RAB38: variants seen among roughly 807,000 people sequenced by gnomAD.
RAB38 encodes ras-related protein Rab-38.
In RAB38, 15 loss-of-function variants were observed where a neutral mutation model predicts 18.4. That is an observed-to-expected ratio of 0.82 (90% CI 0.55 to 1.26). The LOEUF is 1.26. Among genes scored for constraint, RAB38 ranks in the 50% most tolerant of loss-of-function variants. The probability of loss-of-function intolerance (pLI) is 0.00; values close to 1 mark genes in which losing one functional copy is unlikely to be tolerated. For synonymous variants in RAB38, 101 were observed against 104.4 expected (o/e 0.97, Z 0.20); for missense variants, 294 against 267.4 (o/e 1.10, Z -0.69).
the RAB38 span, among the ~76,000 whole-genome samples, chr11:87,907,710 G>GT: frequency 2.1e-4 from 32 of 151,172 alleles, no homozygotes; most frequent in Non-Finnish European, 2.4e-4. Context: ...GAATAATCTG[G>GT]TTTTTTTAAA....
At chr11:88,151,766 T>C (rs1943065306) in intron 1 of RAB38, among the ~76,000 whole-genome samples, 1 of 152,202 alleles carries the variant, frequency 6.6e-6, no homozygotes, top group African/African-American at 2.4e-5. Flanking sequence ...TTTACATTGG[T>C]AGTAGCATTG....
the RAB38 span, among the ~76,000 whole-genome samples, chr11:87,969,154 C>A: frequency 1.3e-5 from 2 of 152,058 alleles, no homozygotes; most frequent in African/African-American, 2.4e-5. Context: ...AGTTACATTA[C>A]CTTCAAATTA....
the RAB38 span, among the ~76,000 whole-genome samples, chr11:87,897,258 T>C: frequency 6.6e-6 from 1 of 151,574 alleles, no homozygotes; most frequent in African/African-American, 2.4e-5. Context: ...GTTTACAGAG[T>C]TGGTGCCAAA....
the RAB38 span, among the ~76,000 whole-genome samples, chr11:87,824,917 C>G: frequency 6.6e-6 from 1 of 151,922 alleles, no homozygotes; most frequent in African/African-American, 2.4e-5. Flanking sequence ...TGAAGGACCA[C>G]CAGTAAGGCA....
At chr11:88,155,459 T>C (rs752501910) in intron 1 of RAB38, among the ~76,000 whole-genome samples, 51 of 149,276 alleles carry the variant, frequency 3.4e-4, no homozygotes, top group Non-Finnish European at 7.3e-4. Flanking sequence ...AAAGACCCCA[T>C]GGAGCAGGGC....
the RAB38 span, among the ~76,000 whole-genome samples, chr11:87,976,840 TATTGTGTTATATAATGTATTATATATTA>T: frequency 1.3e-4 from 15 of 116,328 alleles, 3 homozygotes; most frequent in African/African-American, 5.2e-4. Flanking sequence ...TATAAATATA[TATTGTGTTATATAATGTATTATATATTA>T]TATGTTATAT....
At chr11:87,973,892 GCCCTATTTTGAGGGATTTT>G in the RAB38 span, among the ~76,000 whole-genome samples, 1 of 151,838 alleles carries the variant, frequency 6.6e-6, no homozygotes, top group South Asian at 2.1e-4. Context: ...GTCACCCCAT[GCCCTATTTTGAGGGATTTT>G]CCCTATGTCT....
the RAB38 span, among the ~76,000 whole-genome samples, chr11:88,104,430 T>C: frequency 1.3e-5 from 2 of 152,156 alleles, no homozygotes; most frequent in South Asian, 4.1e-4. Flanking sequence ...TAGAGGCAGA[T>C]TGAAATGTGT....
At chr11:87,880,330 T>G in the RAB38 span, among the ~76,000 whole-genome samples, 3 of 151,742 alleles carry the variant, frequency 2.0e-5, no homozygotes, top group African/African-American at 7.3e-5. Context: ...CTTCGAGTCC[T>G]GGCCACAACA....
At chr11:88,100,449 T>C in the RAB38 span, among the ~76,000 whole-genome samples, 1 of 151,978 alleles carries the variant, frequency 6.6e-6, no homozygotes, top group African/African-American at 2.4e-5. Context: ...CGATGGCATG[T>C]TAATATTATA....
intron 2 of RAB38, among the ~76,000 whole-genome samples, chr11:88,125,527 C>G (rs1011141613): frequency 7.9e-5 from 12 of 152,154 alleles, no homozygotes; most frequent in Non-Finnish European, 1.6e-4. Flanking sequence ...TTATTTGTCT[C>G]TATTTATTTA....
the RAB38 span, among the ~76,000 whole-genome samples, chr11:87,834,832 C>T: frequency 1.3e-5 from 2 of 152,128 alleles, no homozygotes; most frequent in Non-Finnish European, 2.9e-5. Context: ...CTATGAGACA[C>T]AAATGGCATA....
At chr11:87,917,174 T>C in the RAB38 span, among the ~76,000 whole-genome samples, 2 of 152,050 alleles carry the variant, frequency 1.3e-5, no homozygotes, top group Admixed American at 6.6e-5. Flanking sequence ...ACAAGTTCCA[T>C]GGAGGGATGC....
At chr11:87,965,355 A>G in the RAB38 span, among the ~76,000 whole-genome samples, 1 of 152,060 alleles carries the variant, frequency 6.6e-6, no homozygotes, top group Admixed American at 6.6e-5. Context: ...GAGAATGATA[A>G]TTCTCCACTC....
At chr11:88,140,036 G>A (rs1382249378) in intron 2 of RAB38, among the ~76,000 whole-genome samples, 2 of 152,246 alleles carry the variant, frequency 1.3e-5, no homozygotes, top group Non-Finnish European at 2.9e-5. Context: ...TGGTCCTGGA[G>A]TGTGAAGGAG....
intron 1 of RAB38, chr11:88,173,497 C>A: frequency 1.0e-6 from 1 of 980,366 alleles, no homozygotes; most frequent in Non-Finnish European, 1.2e-6. Flanking sequence ...AATCACTGTA[C>A]CCTTCCATCT....
chr11:88,129,515 C>T (rs1019276901), intron 2 of RAB38, among the ~76,000 whole-genome samples: 4 of 152,046 alleles, frequency 2.6e-5, no homozygotes, highest in Non-Finnish European at 4.4e-5. Context: ...GTGGCATGTG[C>T]GTGTAAACTC....
the RAB38 span, among the ~76,000 whole-genome samples, chr11:87,843,235 G>A: frequency 6.6e-6 from 1 of 152,152 alleles, no homozygotes; most frequent in African/African-American, 2.4e-5. Context: ...TTCAGTAGAA[G>A]CCTAGTCTAC....
chr11:87,815,106 T>A, the RAB38 span: 1 of 152,212 alleles, frequency 6.6e-6, no homozygotes, highest in Non-Finnish European at 1.5e-5. Context: ...TAATGGATGC[T>A]GTCTGTCAAA....
Sources: gnomAD v4.1 joint callset for allele counts (sites outside exome capture counted in the v4.1 genomes callset) on GRCh38, gnomAD v4.1.1 for gene constraint, MANE v1.5 for transcripts, NCBI Gene and HGNC (gene_info 2026-07-23, HGNC 2026-07-21) for gene names.